Variants in SLC15A2 observed in about 807,000 individuals in gnomAD.
SLC15A2 encodes kidney H(+)/peptide cotransporter.
In SLC15A2, 77 loss-of-function variants were observed where a neutral mutation model predicts 95.5. The observed-to-expected ratio is 0.81, with a 90% confidence interval of 0.67 to 0.97. The LOEUF (loss-of-function observed/expected upper bound fraction) is 0.97. SLC15A2 is among the 50% of genes least tolerant of loss of function. SLC15A2 has a pLI of 0.00. For synonymous variants in SLC15A2, 306 were observed against 306.9 expected (o/e 1.00, Z 0.03); for missense variants, 893 against 874.4 (o/e 1.02, Z -0.27).
rs1169875240 is a variant in SLC15A2, at chr3:121,942,346, G to C, written c.*1339G>C. 6.6e-6 allele frequency: 1 copy of C among 152,184 alleles called. No individual in the cohort carries two copies. The highest frequency in any genetic ancestry group is 1.5e-5 in the Non-Finnish European group (1 of 68,026). 9.4% of individuals were successfully genotyped at this position (152,184 alleles called of 1,614,324 possible). A position where few individuals can be genotyped will look rare whatever the true frequency, so the allele number is the denominator to read the frequency against. ...TGTGCAGTGTGTTACTAGGAAAAAA[G>C]TTCAGAATCACTGTTCTAGAGAGCT... On this transcript the variant is annotated 3_prime_UTR_variant, in exon 22 of 22. Transcript: ENST00000489711.
intron 5 of SLC15A2, 122 bp from the exon 6 acceptor site, chr3:121,915,105 G>T (rs771476753): frequency 9.2e-6 from 10 of 1,082,716 alleles, no homozygotes; most frequent in Non-Finnish European, 1.3e-5. Flanking sequence ...TGAAATTCAG[G>T]TATTGTGGAG....
At chr3:121,922,895 G>A (rs779664796) in intron 9 of SLC15A2, 34 bp downstream of exon 9, 1 of 1,582,750 alleles carries the variant, frequency 6.3e-7, no homozygotes, top group Non-Finnish European at 8.7e-7. Flanking sequence ...CTTATGGCTT[G>A]ATAGAGTCTT....
intron 4 of SLC15A2, among the ~76,000 whole-genome samples, chr3:121,912,230 T>TGTTG (rs1455742376): frequency 1.3e-5 from 2 of 152,108 alleles, no homozygotes; most frequent in Non-Finnish European, 2.9e-5. Flanking sequence ...TTAGAAATTT[T>TGTTG]GTTTGTTTGT....
Position 121,913,022 on chromosome 3 carries a change from G to T in SLC15A2, c.430G>T (p.Val144Phe). 1 of 1,611,700 alleles carries T rather than the reference G, an allele frequency of 6.2e-7. No homozygotes were observed. Among genetic ancestry groups the T allele is most frequent in the Non-Finnish European group, 8.5e-7 (1 of 1,178,010 alleles). Residue 144 changes from valine to phenylalanine, a missense_variant and splice_region_variant, in exon 5 of 22, where the codon GTC becomes TTC. Coordinates refer to ENST00000489711, the MANE Select transcript of SLC15A2 (RefSeq NM_021082.4). ...GGCATTCTCACCTCTCCATTTCAGA[G>T]TCCTATCATTGATCGGCCTGAGTCT... Reference protein sequence around the residue: ...PILGGQVVHTVLSLIGLSLIA... With the variant: ...PILGGQVVHTFLSLIGLSLIA...
intron 7 of SLC15A2, among the ~76,000 whole-genome samples, chr3:121,920,566 G>A (rs781555167): frequency 2.6e-5 from 4 of 152,148 alleles, no homozygotes; most frequent in Admixed American, 6.5e-5. Flanking sequence ...AAACTGCTAA[G>A]TTTACGGGTG....
At chr3:121,896,917 A>AG (rs1461199120) in intron 2 of SLC15A2, among the ~76,000 whole-genome samples, 1 of 149,626 alleles carries the variant, frequency 6.7e-6, no homozygotes, top group Admixed American at 6.6e-5. Context: ...AAAAAAAAAA[A>AG]AAGGGGGGGG....
intron 13 of SLC15A2, 149 bp downstream of exon 13, chr3:121,925,182 G>A (rs2250065): frequency 1.6e-6 from 1 of 640,694 alleles, no homozygotes; most frequent in African/African-American, 1.8e-5. Context: ...TAGACTAACT[G>A]CCTATTGACC....
intron 19 of SLC15A2, chr3:121,939,122 T>G (rs1454213174): frequency 5.5e-6 from 2 of 365,018 alleles, no homozygotes; most frequent in Non-Finnish European, 9.7e-6. Context: ...TATTCTCTTA[T>G]TTAAAGTCTC....
Position 121,897,428 on chromosome 3 carries a change from T to G in SLC15A2, c.234T>G (p.Asn78Lys). 6.2e-7 allele frequency: 1 copy of G among 1,614,156 alleles called. No homozygotes were observed. Among genetic ancestry groups the G allele is most frequent in the Non-Finnish European group, 8.5e-7 (1 of 1,180,004 alleles). ...ILYFLYFLHW[N>K]EDTSTSIYHA... ...ATTTCCTGTATTTCCTGCACTGGAA[T>G]GAAGATACCTCCACATCTATATACC... Residue 78 changes from asparagine to lysine, a missense_variant, in exon 3 of 22, where the codon AAT becomes AAG. Physicochemically the swap from Asn to Lys is moderately conservative, Grantham distance 94 (BLOSUM62 0). Transcript: ENST00000489711.
chr3:121,924,959 T>C lies in SLC15A2; in HGVS notation c.1050T>C (p.Leu350=). Residue 350 remains leucine, a synonymous_variant, in exon 13 of 22, where the codon CTT becomes CTC. Coordinates refer to ENST00000489711, the MANE Select transcript of SLC15A2 (RefSeq NM_021082.4). The stretch of plus-strand genomic sequence containing the variant: ...TGGTGTTACAGGTTCTAAATCCCCT[T>C]CTGGTTCTTATCTTCATCCCGTTGT... ...QPDQMQVLNP[L]LVLIFIPLFD... 1 of 1,611,938 alleles carries C rather than the reference T, an allele frequency of 6.2e-7. No individual in the cohort carries two copies. The highest frequency in any genetic ancestry group is 8.5e-7 in the Non-Finnish European group (1 of 1,178,020).
intron 11 of SLC15A2, 133 bp from the exon 12 acceptor site, chr3:121,924,218 C>A: frequency 1.4e-6 from 1 of 730,652 alleles, no homozygotes; most frequent in Non-Finnish European, 2.4e-6. Flanking sequence ...AAATAGTGGC[C>A]CTGAACCAAA....
In SLC15A2 at chr3:121,929,211, A is replaced by T. The variant is rs548277020; in HGVS notation, c.1506+65A>T. On this transcript the variant is annotated intron_variant, in intron 16 of 21. Transcript: ENST00000489711. ...AAAGTAATATGACTGTCTCATCAAC[A>T]TCTTACCAAGGATCTGCCTGATGAT... The T allele has an allele frequency of 8.1e-6, 13 of 1,603,158 alleles. No individual in the cohort carries two copies. The Admixed American group carries it at 8.4e-5, about 10-fold the overall frequency.
chr3:121,921,150 A>C (rs951292228), intron 7 of SLC15A2, among the ~76,000 whole-genome samples: 1 of 152,252 alleles, frequency 6.6e-6, no homozygotes, highest in African/African-American at 2.4e-5. Flanking sequence ...AATGAGCTCA[A>C]GAACAGAAAT....
intron 1 of SLC15A2, among the ~76,000 whole-genome samples, chr3:121,895,064 G>A (rs1250355765): frequency 6.6e-6 from 1 of 152,214 alleles, no homozygotes; most frequent in Non-Finnish European, 1.5e-5. Context: ...ACAGAGAATA[G>A]TAATGTTTTG....
chr3:121,929,373 G>A lies in SLC15A2; in HGVS notation c.1553+25G>A, dbSNP rs377643448. The A allele has an allele frequency of 2.4e-5, 38 of 1,611,114 alleles. No individual in the cohort carries two copies. The African/African-American group carries it at 3.3e-4, about 14-fold the overall frequency. Reference sequence around the variant, plus strand: ...GGTTTGAATGTCAATGAGATTCCAGGCCACTCTGTTTTCTTGAATCTTGGA... The same window carrying A: ...GGTTTGAATGTCAATGAGATTCCAGACCACTCTGTTTTCTTGAATCTTGGA... On this transcript the variant is annotated intron_variant, in intron 17 of 21. Coordinates refer to ENST00000489711, the MANE Select transcript of SLC15A2 (RefSeq NM_021082.4).
chr3:121,917,405 G>A (rs1292413749), intron 7 of SLC15A2, among the ~76,000 whole-genome samples: 1 of 152,110 alleles, frequency 6.6e-6, no homozygotes, highest in African/African-American at 2.4e-5. Flanking sequence ...AAGACCTTGA[G>A]GGACCGGGCA....
Position 121,927,829 on chromosome 3 carries a change from T to G in SLC15A2, c.1196T>G (p.Ile399Arg). 1 of 1,612,298 alleles carries G rather than the reference T, an allele frequency of 6.2e-7. No homozygotes were observed. Residue 399 changes from isoleucine to arginine, a missense_variant, in exon 14 of 22, where the codon ATA (isoleucine) becomes AGA (arginine). Coordinates refer to ENST00000489711, the MANE Select transcript of SLC15A2 (RefSeq NM_021082.4). ...LAFAVAAAVE[I>R]KINEMAPAQP... ...TTTGCAGTTGCGGCAGCTGTAGAGATAAAAATAAATGTGAGTTCAGTAATT... is the reference window on the plus strand; with the variant it reads ...TTTGCAGTTGCGGCAGCTGTAGAGAGAAAAATAAATGTGAGTTCAGTAATT...
In SLC15A2 at chr3:121,894,455, GA is replaced by G. The variant is rs1160703381; in HGVS notation, c.-21del. On this transcript the variant is annotated 5_prime_UTR_variant, in exon 1 of 22. The change creates a premature stop within an existing upstream ORF in the 5' untranslated region. Coordinates refer to ENST00000489711, the MANE Select transcript of SLC15A2 (RefSeq NM_021082.4). ...TACTAAAGCCAAATGCTTGAGGAGAGAGAGAGAGTAAGGAGCCAGCCATGAA... is the reference window on the plus strand; with the variant it reads ...TACTAAAGCCAAATGCTTGAGGAGAGGAGAGAGTAAGGAGCCAGCCATGAA... 2 of 1,598,946 alleles carry G rather than the reference GA, an allele frequency of 1.3e-6. No homozygotes were observed. Among genetic ancestry groups the G allele is most frequent in the Non-Finnish European group, 1.7e-6 (2 of 1,168,322 alleles).
intron 7 of SLC15A2, among the ~76,000 whole-genome samples, chr3:121,919,217 G>A (rs191602775): frequency 1.3e-5 from 2 of 152,320 alleles, no homozygotes; most frequent in African/African-American, 4.8e-5. Context: ...GAGCGGGAGC[G>A]TGTTACGGCT....
Sources: gnomAD v4.1 joint callset for allele counts (sites outside exome capture counted in the v4.1 genomes callset) on GRCh38, gnomAD v4.1.1 for gene constraint, MANE v1.5 for transcripts, NCBI Gene and HGNC (gene_info 2026-07-23, HGNC 2026-07-21) for gene names.